The following SNX2 variants were observed in gnomAD, a reference collection of about 807,000 sequenced individuals.
The protein encoded by SNX2 is sorting nexin-2.
Under a neutral mutation model 69.9 loss-of-function variants are expected in SNX2, and 25 were observed. The ratio of observed to expected loss-of-function variants is 0.36; its 90% CI spans 0.26 to 0.50. The LOEUF (loss-of-function observed/expected upper bound fraction) is 0.50. Among genes scored for constraint, SNX2 ranks in the 20% least tolerant of loss-of-function variants. SNX2 has a pLI of 0.97. For missense variants in SNX2, 551 were observed against 613.3 expected, an observed-to-expected ratio of 0.90 and a Z score of 1.07; for synonymous variants, 229 against 200.4, an observed-to-expected ratio of 1.14 and a Z score of -1.20.
intron 12 of SNX2, among the ~76,000 whole-genome samples, chr5:122,827,131 A>G (rs1754165918): frequency 6.6e-6 from 1 of 152,094 alleles, no homozygotes; most frequent in Non-Finnish European, 1.5e-5. Context: ...TGGACATTGT[A>G]GTTTATTAAG....
rs538993289 is a variant in SNX2 at position 122,798,754 on chromosome 5, C to A, written c.227-938C>A. On this transcript the variant is annotated intron_variant, in intron 2 of 14. Transcript: ENST00000379516. ...GCTATTATTCCATTATCATGGAATTCTTTCTTCATTTTTTCTCTACCCATT... is the reference window on the plus strand; with the variant it reads ...GCTATTATTCCATTATCATGGAATTATTTCTTCATTTTTTCTCTACCCATT... Among the ~76,000 whole-genome samples, 6 of 152,158 alleles carry A rather than the reference C, an allele frequency of 3.9e-5. No homozygotes were observed. The South Asian group carries it at 1.2e-3, about 32-fold the overall frequency.
intron 5 of SNX2, 106 bp downstream of exon 5, chr5:122,802,230 C>G: frequency 2.0e-6 from 2 of 985,812 alleles, no homozygotes; most frequent in Non-Finnish European, 1.6e-6. Flanking sequence ...ATAAAGGTTA[C>G]CACCTAATAA....
At chr5:122,785,850 G>T (rs114228994) in intron 1 of SNX2, among the ~76,000 whole-genome samples, 298 of 152,238 alleles carry the variant, frequency 2.0e-3, no homozygotes, top group African/African-American at 7.0e-3. Flanking sequence ...TGTATATATA[G>T]TCTGTTTTGT....
chr5:122,825,391 C>T (rs1754129651), intron 11 of SNX2, among the ~76,000 whole-genome samples: 1 of 152,008 alleles, frequency 6.6e-6, no homozygotes, highest in Non-Finnish European at 1.5e-5. Flanking sequence ...CTCTGCCAGA[C>T]TCCTTGAGAG....
At chr5:122,815,873 A>C in intron 7 of SNX2, 23 bp from the exon 8 acceptor site, 10 of 1,348,646 alleles carry the variant, frequency 7.4e-6, no homozygotes, top group Non-Finnish European at 1.0e-5. Context: ...CTGATAAAGG[A>C]GCAATTTTAC....
intron 6 of SNX2, 48 bp from the exon 7 acceptor site, chr5:122,808,229 T>C: frequency 8.4e-7 from 1 of 1,193,986 alleles, no homozygotes. Flanking sequence ...ATGAAAGACT[T>C]TCACAGCAAT....
intron 1 of SNX2, among the ~76,000 whole-genome samples, chr5:122,792,697 TAAA>T (rs1753272834): frequency 6.6e-6 from 1 of 151,726 alleles, no homozygotes; most frequent in African/African-American, 2.4e-5. Context: ...ATTAAGAAAG[TAAA>T]AAGGTAAGCC....
chr5:122,826,082 G>A lies in SNX2; in HGVS notation c.1245G>A (p.Gln415=). ...TTGACCATCGAATGAAGTGCTGGCAGAAATGGGAAGATGCTCAAATTACTT... is the reference window on the plus strand; with the variant it reads ...TTGACCATCGAATGAAGTGCTGGCAAAAATGGGAAGATGCTCAAATTACTT... ...GVFDHRMKCW[Q]KWEDAQITLL... is the part of the protein sequence containing the mutation. Residue 415 remains glutamine (Q), a synonymous_variant, in exon 12 of 15, where the codon CAG becomes CAA. Coordinates refer to ENST00000379516, the MANE Select transcript of SNX2 (RefSeq NM_003100.4). The A allele has an allele frequency of 6.2e-7, 1 of 1,613,166 alleles. No homozygotes were observed. The highest frequency in any genetic ancestry group is 8.5e-7 in the Non-Finnish European group (1 of 1,179,360).
chr5:122,801,795 A>G (rs1214181096), intron 3 of SNX2, 74 bp from the exon 4 acceptor site: 2 of 914,426 alleles, frequency 2.2e-6, no homozygotes, highest in East Asian at 5.3e-5. Context: ...CAGAAAATAG[A>G]TGATAAAAAT....
At chr5:122,786,139 C>T (rs552675829) in intron 1 of SNX2, among the ~76,000 whole-genome samples, 46 of 152,160 alleles carry the variant, frequency 3.0e-4, no homozygotes, top group Admixed American at 7.8e-4. Context: ...GATAATATTT[C>T]TTATTCTGAA....
At position 122,789,553 on chromosome 5, in the gene SNX2, C is replaced by T. The variant is rs745689954; in HGVS notation, c.109-5713C>T. Reference sequence around the variant, plus strand: ...GGTTTCTTTTGGCGTTTTATCTACCCGTGCTGTAGCTCCTGTAGTGCAGCT... The same window carrying T: ...GGTTTCTTTTGGCGTTTTATCTACCTGTGCTGTAGCTCCTGTAGTGCAGCT... On this transcript the variant is annotated intron_variant, in intron 1 of 14. Transcript: ENST00000379516. Among the ~76,000 whole-genome samples the T allele has an allele frequency of 7.1e-4, 108 of 152,170 alleles. 1 individual carries two copies. Among genetic ancestry groups the T allele is most frequent in the Non-Finnish European group, 1.1e-3 (75 of 68,002 alleles).
rs535259721 is a variant in SNX2 at position 122,808,171 on chromosome 5, C to A, written c.644-106C>A. 277 of 668,990 alleles carry A rather than the reference C, an allele frequency of 4.1e-4. 1 individual carries two copies. Among genetic ancestry groups the A allele is most frequent in the Non-Finnish European group, 5.8e-4 (237 of 406,784 alleles). The allele number at this position is 668,990 out of a possible 1,614,324, so 41.4% of individuals were successfully genotyped here. On this transcript the variant is annotated intron_variant, in intron 6 of 14. Coordinates refer to ENST00000379516, the MANE Select transcript of SNX2 (RefSeq NM_003100.4). The stretch of plus-strand genomic sequence containing the variant: ...TAAGATACCAGTTACAAGTTTAGGG[C>A]TGTTAAGTTCAAATTTTGAGTGTAT...
rs1329795520 is a variant in SNX2, at chr5:122,786,909, A to G, written c.109-8357A>G. ...CTTTTTAATTGAAGAGATACTAGCA[A>G]AAAAATCTTAAAATTTTTTATCCTG... On this transcript the variant is annotated intron_variant, in intron 1 of 14. Transcript: ENST00000379516. Among the ~76,000 whole-genome samples, 14 of 152,182 alleles carry G rather than the reference A, an allele frequency of 9.2e-5. 1 individual carries two copies. The highest frequency in any genetic ancestry group is 8.5e-4 in the Admixed American group (13 of 15,278).
intron 7 of SNX2, among the ~76,000 whole-genome samples, chr5:122,810,049 C>A (rs1316692321): frequency 6.6e-6 from 1 of 151,574 alleles, no homozygotes; most frequent in Non-Finnish European, 1.5e-5. Flanking sequence ...TCATTTTGTT[C>A]TGTACTAAGA....
rs114215155 is a variant in SNX2 at position 122,791,958 on chromosome 5, C to G, written c.109-3308C>G. On this transcript the variant is annotated intron_variant, in intron 1 of 14. Coordinates refer to ENST00000379516, the MANE Select transcript of SNX2 (RefSeq NM_003100.4). Reference sequence around the variant, plus strand: ...AGAAATTATGACACAAGTAGGTACTCTATGGAAGTATATAGGCCAATCACC... The same window carrying G: ...AGAAATTATGACACAAGTAGGTACTGTATGGAAGTATATAGGCCAATCACC... 7.1e-3 allele frequency among the ~76,000 whole-genome samples: 1,086 copies of G among 152,256 alleles called. 15 individuals carry two copies. Among genetic ancestry groups the G allele is most frequent in the African/African-American group, 0.025 (1,040 of 41,550 alleles).
chr5:122,817,939 A>G (rs1026813128), intron 10 of SNX2, among the ~76,000 whole-genome samples: 3 of 152,116 alleles, frequency 2.0e-5, no homozygotes, highest in Non-Finnish European at 4.4e-5. Context: ...CAGTGAAATT[A>G]TAGTTTTTTG....
chr5:122,791,439 G>A (rs947856125), intron 1 of SNX2, among the ~76,000 whole-genome samples: 1 of 152,082 alleles, frequency 6.6e-6, no homozygotes, highest in African/African-American at 2.4e-5. Flanking sequence ...CTGCCACCAC[G>A]CCCGGCTAAT....
intron 1 of SNX2, among the ~76,000 whole-genome samples, chr5:122,790,268 G>A (rs1347472483): frequency 3.3e-5 from 5 of 152,284 alleles, no homozygotes; most frequent in South Asian, 4.2e-4. Flanking sequence ...ACAGGTATGC[G>A]CCACTATGCC....
chr5:122,792,455 G>C (rs1753263807), intron 1 of SNX2, among the ~76,000 whole-genome samples: 1 of 152,156 alleles, frequency 6.6e-6, no homozygotes, highest in Admixed American at 6.5e-5. Context: ...AAATTAGCTG[G>C]GTGTGGTGGC....
Sources: allele counts gnomAD v4.1 joint callset (sites outside exome capture counted in the v4.1 genomes callset), GRCh38; gene constraint gnomAD v4.1.1; transcripts MANE v1.5; gene names NCBI Gene and HGNC (gene_info 2026-07-23, HGNC 2026-07-21).